The following CADM2 variants were observed in gnomAD, a reference collection of about 807,000 sequenced individuals.
CADM2 encodes the protein immunoglobulin superfamily member 4D.
Under a neutral mutation model 49.8 loss-of-function variants are expected in CADM2, and 12 were observed. The ratio of observed to expected loss-of-function variants is 0.24; its 90% CI spans 0.15 to 0.39. The LOEUF (loss-of-function observed/expected upper bound fraction) is 0.39. Ranked by LOEUF, CADM2 falls within the 10% of genes least tolerant of loss-of-function variation. CADM2 has a pLI of 1.00. For synonymous variants in CADM2, 214 were observed against 175.4 expected (o/e 1.22, Z -1.74); for missense variants, 378 against 492.3 (o/e 0.77, Z 2.20).
intron 3 of CADM2, among the ~76,000 whole-genome samples, chr3:85,863,819 A>G (rs1220870151): frequency 6.6e-6 from 1 of 152,210 alleles, no homozygotes; most frequent in African/African-American, 2.4e-5. Context: ...ATCTAAGCCA[A>G]ATAAAATCAG....
At chr3:85,099,046 C>T (rs553136596) in intron 1 of CADM2, among the ~76,000 whole-genome samples, 1 of 152,250 alleles carries the variant, frequency 6.6e-6, no homozygotes, top group African/African-American at 2.4e-5. Flanking sequence ...ACAAATAAAA[C>T]TCAGAAAGAA....
intron 1 of CADM2, among the ~76,000 whole-genome samples, chr3:85,242,583 C>T (rs929550563): frequency 4.0e-5 from 6 of 151,556 alleles, no homozygotes; most frequent in Non-Finnish European, 7.4e-5. Flanking sequence ...GGGATTCTTG[C>T]TTTTGGCTTT....
intron 3 of CADM2, among the ~76,000 whole-genome samples, chr3:85,834,822 G>T (rs2074335221): frequency 6.6e-6 from 1 of 151,452 alleles, no homozygotes; most frequent in Non-Finnish European, 1.5e-5. Context: ...CACAAATGGG[G>T]TTGAGTTGTC....
intron 1 of CADM2, chr3:85,511,959 ATGTGGTT>A: frequency 1.3e-6 from 1 of 792,422 alleles, no homozygotes; most frequent in Non-Finnish European, 1.5e-6. Context: ...ATAAATATAT[ATGTGGTT>A]TTGAAAAAAA....
intron 1 of CADM2, among the ~76,000 whole-genome samples, chr3:85,693,978 T>C (rs1381843499): frequency 3.4e-5 from 5 of 149,124 alleles, no homozygotes; most frequent in Non-Finnish European, 7.5e-5. Context: ...TTTTGAAAAA[T>C]GCATATAAAG....
intron 3 of CADM2, among the ~76,000 whole-genome samples, chr3:85,836,454 A>T (rs1433594585): frequency 1.3e-5 from 2 of 151,682 alleles, no homozygotes; most frequent in African/African-American, 4.8e-5. Context: ...CTAGAAAACC[A>T]GTCTCCATCT....
chr3:85,126,338 A>ATT (rs2039031975), intron 1 of CADM2, among the ~76,000 whole-genome samples: 1 of 152,098 alleles, frequency 6.6e-6, no homozygotes. Flanking sequence ...ATAGGGACAA[A>ATT]ACTCACATAC....
At chr3:85,554,006 T>G (rs1329747608) in intron 1 of CADM2, among the ~76,000 whole-genome samples, 1 of 152,116 alleles carries the variant, frequency 6.6e-6, no homozygotes, top group African/African-American at 2.4e-5. Context: ...ATTGATCCAT[T>G]GATTATACTT....
chr3:85,579,935 G>T (rs1466898523), intron 1 of CADM2, among the ~76,000 whole-genome samples: 1 of 152,074 alleles, frequency 6.6e-6, no homozygotes, highest in East Asian at 1.9e-4. Flanking sequence ...AAATGTATAT[G>T]TTTACATACA....
intron 1 of CADM2, among the ~76,000 whole-genome samples, chr3:85,073,780 A>G (rs1046060154): frequency 6.6e-6 from 1 of 152,110 alleles, no homozygotes; most frequent in African/African-American, 2.4e-5. Context: ...TCTAGTGGGT[A>G]TTTCACACTG....
chr3:85,694,132 T>C (rs1453221714), intron 1 of CADM2, among the ~76,000 whole-genome samples: 1 of 152,200 alleles, frequency 6.6e-6, no homozygotes, highest in Non-Finnish European at 1.5e-5. Flanking sequence ...CTTTATCATC[T>C]TTTGTGATGA....
chr3:85,246,467 A>G (rs1383268574), intron 1 of CADM2, among the ~76,000 whole-genome samples: 1 of 152,082 alleles, frequency 6.6e-6, no homozygotes, highest in Non-Finnish European at 1.5e-5. Flanking sequence ...TAAATAATAA[A>G]ATAATTCATT....
intron 1 of CADM2, among the ~76,000 whole-genome samples, chr3:85,295,042 C>G (rs546405005): frequency 6.6e-6 from 1 of 152,226 alleles, no homozygotes; most frequent in East Asian, 1.9e-4. Context: ...ACCTACTCAT[C>G]TGACAAAGGG....
intron 2 of CADM2, among the ~76,000 whole-genome samples, chr3:85,784,459 T>C (rs545926411): frequency 1.3e-5 from 2 of 152,244 alleles, no homozygotes; most frequent in African/African-American, 4.8e-5. Flanking sequence ...ATATCTAAAT[T>C]TGAGTAATAA....
chr3:85,395,293 A>T (rs1369988687), intron 1 of CADM2, among the ~76,000 whole-genome samples: 1 of 60,442 alleles, frequency 1.7e-5, no homozygotes, highest in Admixed American at 1.7e-4. Context: ...GAAAGACTCC[A>T]TACAAAAAAA....
chr3:85,970,130 A>G (rs1244278936), intron 8 of CADM2, among the ~76,000 whole-genome samples: 2 of 151,118 alleles, frequency 1.3e-5, no homozygotes, highest in African/African-American at 2.4e-5. Context: ...TTACTTAGCA[A>G]CCCAGGTGAA....
intron 1 of CADM2, among the ~76,000 whole-genome samples, chr3:85,243,972 T>C (rs1306452577): frequency 6.6e-6 from 1 of 152,060 alleles, no homozygotes; most frequent in Non-Finnish European, 1.5e-5. Context: ...ACCCCTATTG[T>C]GTAGCCCAAC....
At position 85,815,883 on chromosome 3, in the gene CADM2, G is replaced by A. The variant is rs1314313498; in HGVS notation, c.238+13687G>A. On this transcript the variant is annotated intron_variant, in intron 3 of 9. Coordinates refer to ENST00000383699, the MANE Select transcript of CADM2 (RefSeq NM_001167675.2). ...GCCTGAAATCTCCTTAAGCTGATAA[G>A]CAACTTTAGCAAAGTTCAGGATACA... is the stretch of plus-strand genomic sequence containing the variant. Among the ~76,000 whole-genome samples the A allele has an allele frequency of 2.0e-5, 3 of 152,094 alleles. No homozygotes were observed. In the East Asian group the frequency reaches 5.8e-4, roughly 29 times the overall value.
chr3:85,321,658 A>T (rs1304882158), intron 1 of CADM2, among the ~76,000 whole-genome samples: 1 of 152,178 alleles, frequency 6.6e-6, no homozygotes, highest in Non-Finnish European at 1.5e-5. Flanking sequence ...AATTTGGCTT[A>T]TACATCTCAA....
Sources: allele counts gnomAD v4.1 joint callset (sites outside exome capture counted in the v4.1 genomes callset), GRCh38; gene constraint gnomAD v4.1.1; transcripts MANE v1.5; gene names NCBI Gene and HGNC (gene_info 2026-07-23, HGNC 2026-07-21).